The following PXDNL variants were observed in gnomAD, a reference collection of about 807,000 sequenced individuals.
PXDNL encodes the protein peroxidasin like, also known as probable oxidoreductase PXDNL.
PXDNL carries 145 observed loss-of-function variants against 150.8 expected under a neutral mutation model. The observed-to-expected ratio is 0.96, with a 90% CI of 0.84 to 1.10. The LOEUF is 1.10. Among genes scored for constraint, PXDNL ranks in the 50% least tolerant of loss-of-function variants. PXDNL has a pLI of 0.00. For missense variants in PXDNL, 2,087 were observed against 1,873.9 expected (o/e 1.11, Z -2.10); for synonymous variants, 757 against 725.7 (o/e 1.04, Z -0.69).
At chr8:51,323,506 C>T (rs1805388624) in intron 21 of PXDNL, among the ~76,000 whole-genome samples, 1 of 152,138 alleles carries the variant, frequency 6.6e-6, no homozygotes, top group African/African-American at 2.4e-5. Context: ...CCAGGCTGAT[C>T]CTAAACTCCT....
chr8:51,579,551 C>T (rs1367803549), intron 3 of PXDNL, among the ~76,000 whole-genome samples: 1 of 151,958 alleles, frequency 6.6e-6, no homozygotes, highest in Non-Finnish European at 1.5e-5. Flanking sequence ...TAAAACCAAA[C>T]ATCCAATTAC....
chr8:51,595,668 A>G (rs1274428709), intron 2 of PXDNL, among the ~76,000 whole-genome samples: 1 of 152,190 alleles, frequency 6.6e-6, no homozygotes, highest in Non-Finnish European at 1.5e-5. Flanking sequence ...TGAAACTTTC[A>G]GTGAGCATAA....
At chr8:51,527,995 T>G (rs1585551352) in intron 4 of PXDNL, among the ~76,000 whole-genome samples, 1 of 152,294 alleles carries the variant, frequency 6.6e-6, no homozygotes, top group African/African-American at 2.4e-5. Context: ...TTTCCTCATC[T>G]GTCTAATCTA....
chr8:51,600,355 A>C lies in PXDNL; in HGVS notation c.237-7657T>G, dbSNP rs1010811627. Among the ~76,000 whole-genome samples the C allele has an allele frequency of 1.2e-4, 15 of 129,184 alleles. 1 individual carries two copies. The highest frequency in any genetic ancestry group is 1.7e-4 in the Non-Finnish European group (11 of 63,692). 84.7% of individuals were successfully genotyped at this position (129,184 alleles called of 152,430 possible). A position where few individuals can be genotyped will look rare whatever the true frequency, so the allele number is the denominator to read the frequency against. The stretch of plus-strand genomic sequence containing the variant: ...ATATAAATTATATCGTTTAGATAAT[A>C]AATTATATCTTGTATAAATTATATC... On this transcript the variant is annotated intron_variant, in intron 2 of 22. Transcript: ENST00000356297.
At chr8:51,731,023 G>A in intron 1 of PXDNL, among the ~76,000 whole-genome samples, 1 of 151,958 alleles carries the variant, frequency 6.6e-6, no homozygotes, top group East Asian at 1.9e-4. Context: ...TTCTGCCCCT[G>A]GCCCCTCCCA....
At chr8:51,535,725 AT>A (rs1812057704) in intron 4 of PXDNL, among the ~76,000 whole-genome samples, 1 of 138,642 alleles carries the variant, frequency 7.2e-6, no homozygotes, top group African/African-American at 3.0e-5. Context: ...AAAAAAATAA[AT>A]AAATAAATAA....
intron 17 of PXDNL, among the ~76,000 whole-genome samples, chr8:51,376,530 T>C (rs2915501): frequency 0.59 from 89,627 of 152,024 alleles, 30,592 homozygotes; most frequent in Non-Finnish European, 0.74. Context: ...GCATTTCTGT[T>C]TTCTTGTTAC....
intron 5 of PXDNL, among the ~76,000 whole-genome samples, chr8:51,494,820 C>A (rs1046507963): frequency 6.6e-6 from 1 of 151,726 alleles, no homozygotes; most frequent in Non-Finnish European, 1.5e-5. Context: ...GAATCCCACA[C>A]AATAATAATG....
At position 51,379,226 on chromosome 8, in the gene PXDNL, C is replaced by T. The variant is rs991925907; in HGVS notation, c.3558-4495G>A. Among the ~76,000 whole-genome samples, 4 of 152,148 alleles carry T rather than the reference C, an allele frequency of 2.6e-5. No individual in the cohort carries two copies. In the East Asian group the frequency reaches 7.7e-4, roughly 29 times the overall value. On this transcript the variant is annotated intron_variant, in intron 17 of 22. Transcript: ENST00000356297. Reference sequence around the variant, plus strand: ...TTGAAACTCATGCCATTTTCTGTCTCTCACTAATTGAAGGTATGAGTCATG... The same window carrying T: ...TTGAAACTCATGCCATTTTCTGTCTTTCACTAATTGAAGGTATGAGTCATG...
intron 3 of PXDNL, among the ~76,000 whole-genome samples, chr8:51,578,885 T>G (rs982744728): frequency 6.6e-6 from 1 of 152,010 alleles, no homozygotes; most frequent in Non-Finnish European, 1.5e-5. Context: ...CAACAGGTGC[T>G]GATGCAACTG....
chr8:51,734,512 T>A (rs1816995579), intron 1 of PXDNL, among the ~76,000 whole-genome samples: 1 of 152,194 alleles, frequency 6.6e-6, no homozygotes, highest in South Asian at 2.1e-4. Context: ...TCACAGCTCA[T>A]CAACATCAAT....
At chr8:51,726,543 AC>A (rs1325583997) in intron 1 of PXDNL, among the ~76,000 whole-genome samples, 1 of 152,186 alleles carries the variant, frequency 6.6e-6, no homozygotes, top group Admixed American at 6.5e-5. Flanking sequence ...AGGTCTTCAT[AC>A]TTGCCTATAA....
intron 2 of PXDNL, among the ~76,000 whole-genome samples, chr8:51,648,652 A>G (rs1239390961): frequency 1.3e-5 from 2 of 152,208 alleles, no homozygotes; most frequent in African/African-American, 4.8e-5. Flanking sequence ...GAAAATTAAT[A>G]TAACTTCTTT....
intron 2 of PXDNL, among the ~76,000 whole-genome samples, chr8:51,599,621 A>G (rs1374039214): frequency 1.4e-5 from 2 of 147,418 alleles, no homozygotes; most frequent in African/African-American, 2.5e-5. Context: ...TCTTATATAA[A>G]TTATCTTATA....
chr8:51,651,948 C>CAT (rs553960928), intron 2 of PXDNL, among the ~76,000 whole-genome samples: 29 of 152,296 alleles, frequency 1.9e-4, no homozygotes, highest in Non-Finnish European at 4.1e-4. Flanking sequence ...TCCAGCAATA[C>CAT]ATAACATTTC....
intron 3 of PXDNL, among the ~76,000 whole-genome samples, chr8:51,592,020 A>G (rs767685149): frequency 2.6e-5 from 4 of 152,242 alleles, no homozygotes; most frequent in Non-Finnish European, 5.9e-5. Context: ...ACATAACCAT[A>G]TCCAATCATG....
rs117825592 is a variant in PXDNL, at chr8:51,802,485, T to C, written c.164+6696A>G. 8.7e-3 allele frequency among the ~76,000 whole-genome samples: 1,321 copies of C among 152,328 alleles called. 9 individuals carry two copies. Among genetic ancestry groups the C allele is most frequent in the Middle Eastern group, 0.017 (5 of 294 alleles). The stretch of plus-strand genomic sequence containing the variant: ...TATGAGATTTTCTGTGAATTTTTTT[T>C]CAGGTTATCAGCTATTGTTAGTGTT... On this transcript the variant is annotated intron_variant, in intron 1 of 22. Transcript: ENST00000356297.
chr8:51,746,313 G>T (rs753139379), intron 1 of PXDNL, among the ~76,000 whole-genome samples: 5 of 152,182 alleles, frequency 3.3e-5, no homozygotes, highest in Non-Finnish European at 7.3e-5. Context: ...CATTGCCCTA[G>T]AACAGTCCCA....
intron 19 of PXDNL, among the ~76,000 whole-genome samples, chr8:51,368,074 G>C (rs1586040576): frequency 6.6e-6 from 1 of 152,192 alleles, no homozygotes; most frequent in Admixed American, 6.5e-5. Context: ...GTTGCAGTGA[G>C]CCAAGATCCA....
Sources: gnomAD v4.1 joint callset for allele counts (sites outside exome capture counted in the v4.1 genomes callset) on GRCh38, gnomAD v4.1.1 for gene constraint, MANE v1.5 for transcripts, NCBI Gene and HGNC (gene_info 2026-07-23, HGNC 2026-07-21) for gene names.